The following CNTN3 variants were observed in gnomAD, a reference collection of about 807,000 sequenced individuals.
CNTN3 encodes contactin 3, also known as contactin-3.
Under a neutral mutation model 119.1 loss-of-function variants are expected in CNTN3, and 60 were observed. The observed-to-expected ratio is 0.50, with a 90% CI of 0.41 to 0.62. The LOEUF (loss-of-function observed/expected upper bound fraction) is 0.62, where lower values mean the gene tolerates loss of function less well. Among genes scored for constraint, CNTN3 ranks in the 20% least tolerant of loss-of-function variants. The pLI is 0.00. For synonymous variants in CNTN3, 450 were observed against 438.7 expected, an observed-to-expected ratio of 1.03 and a Z score of -0.32; for missense variants, 1,101 against 1,242.4, an observed-to-expected ratio of 0.89 and a Z score of 1.71.
At chr3:74,441,591 T>C (rs558017305) in intron 4 of CNTN3, among the ~76,000 whole-genome samples, 58 of 152,308 alleles carry the variant, frequency 3.8e-4, no homozygotes, top group African/African-American at 1.3e-3. Flanking sequence ...TAGTTTAAAT[T>C]TTTTAAGTGC....
intron 1 of CNTN3, among the ~76,000 whole-genome samples, chr3:74,597,130 C>A (rs1352282269): frequency 2.0e-5 from 3 of 152,072 alleles, no homozygotes; most frequent in Admixed American, 1.3e-4. Context: ...GTTCACAGGT[C>A]TGACATTTAA....
intron 22 of CNTN3, among the ~76,000 whole-genome samples, chr3:74,265,431 T>G (rs1320694073): frequency 6.6e-5 from 10 of 152,200 alleles, no homozygotes; most frequent in Non-Finnish European, 4.4e-5. Flanking sequence ...TTTCAAAACC[T>G]AAATTAACAA....
At chr3:74,405,605 T>C (rs1261565176) in intron 5 of CNTN3, among the ~76,000 whole-genome samples, 3 of 152,096 alleles carry the variant, frequency 2.0e-5, no homozygotes, top group African/African-American at 7.2e-5. Flanking sequence ...GTATATCACT[T>C]TGGGAAAAAT....
At chr3:74,530,404 G>C (rs1703677328) in intron 1 of CNTN3, among the ~76,000 whole-genome samples, 1 of 151,934 alleles carries the variant, frequency 6.6e-6, no homozygotes, top group African/African-American at 2.4e-5. Flanking sequence ...TAGAGGATTT[G>C]AGAAAGGGGT....
chr3:74,366,868 T>G (rs1036452362), intron 8 of CNTN3, among the ~76,000 whole-genome samples: 23 of 144,308 alleles, frequency 1.6e-4, no homozygotes, highest in African/African-American at 5.7e-4. Context: ...TTAAAACACA[T>G]TTTCTTCTTC....
At chr3:74,495,409 A>T (rs539874449) in intron 3 of CNTN3, among the ~76,000 whole-genome samples, 3 of 152,052 alleles carry the variant, frequency 2.0e-5, no homozygotes, top group Non-Finnish European at 4.4e-5. Context: ...TAGCACATAT[A>T]CTATATATGT....
chr3:74,591,475 C>G (rs6790890), intron 1 of CNTN3, among the ~76,000 whole-genome samples: 1 of 151,758 alleles, frequency 6.6e-6, no homozygotes, highest in Non-Finnish European at 1.5e-5. Context: ...GTGAAGACAG[C>G]TGTGTTCTAA....
chr3:74,285,952 TAAA>T (rs1702108821), intron 19 of CNTN3, among the ~76,000 whole-genome samples: 1 of 151,352 alleles, frequency 6.6e-6, no homozygotes, highest in Non-Finnish European at 1.5e-5. Flanking sequence ...GATCATTTTT[TAAA>T]AATGTGGAAA....
At chr3:74,401,154 T>C (rs1427013156) in intron 5 of CNTN3, among the ~76,000 whole-genome samples, 1 of 148,214 alleles carries the variant, frequency 6.7e-6, no homozygotes, top group Non-Finnish European at 1.5e-5. Context: ...ATAAACTCAG[T>C]TATTAATGAA....
At chr3:74,463,557 C>T (rs935435096) in intron 4 of CNTN3, among the ~76,000 whole-genome samples, 2 of 152,128 alleles carry the variant, frequency 1.3e-5, no homozygotes, top group African/African-American at 2.4e-5. Context: ...ATTTCCTACA[C>T]AAGATGTCAA....
At chr3:74,360,088 A>C (rs1704044812) in intron 11 of CNTN3, among the ~76,000 whole-genome samples, 1 of 152,172 alleles carries the variant, frequency 6.6e-6, no homozygotes, top group Non-Finnish European at 1.5e-5. Context: ...CTTTTAATGA[A>C]GGCATCTTCG....
chr3:74,358,326 A>C (rs905745449), intron 11 of CNTN3, among the ~76,000 whole-genome samples: 1 of 152,188 alleles, frequency 6.6e-6, no homozygotes, highest in Admixed American at 6.5e-5. Flanking sequence ...AAGGCTTGAA[A>C]GGGATAGAGA....
At chr3:74,499,622 G>GT (rs752126270) in intron 3 of CNTN3, 37 bp downstream of exon 3, 18 of 1,572,310 alleles carry the variant, frequency 1.1e-5, no homozygotes, top group South Asian at 4.8e-5. Context: ...AGTGTGTTTA[G>GT]TTTTTTTTAT....
At chr3:74,499,578 A>C in intron 3 of CNTN3, 81 bp downstream of exon 3, 1 of 1,388,726 alleles carries the variant, frequency 7.2e-7, no homozygotes, top group Non-Finnish European at 9.7e-7. Context: ...GCATAAATAT[A>C]TTGAAGCAAA....
At chr3:74,270,872 GA>G (rs1042339567) in intron 20 of CNTN3, among the ~76,000 whole-genome samples, 1 of 152,000 alleles carries the variant, frequency 6.6e-6, no homozygotes, top group Non-Finnish European at 1.5e-5. Context: ...TGCTAAATTA[GA>G]AAAAACTGGT....
Position 74,302,742 on chromosome 3 carries a change from C to T in CNTN3, c.1734G>A (p.Met578Ile). The T allele has an allele frequency of 6.2e-7, 1 of 1,613,188 alleles. No homozygotes were observed. Among genetic ancestry groups the T allele is most frequent in the Non-Finnish European group, 8.5e-7 (1 of 1,179,480 alleles). Residue 578 changes from methionine (M) to isoleucine (I), a missense_variant, in exon 14 of 23, where the codon ATG becomes ATA. Physicochemically the swap from Met to Ile is conservative, Grantham distance 10 (BLOSUM62 1). Transcript: ENST00000263665. ...QLKHSGKYVC[M>I]VQTGVDSVSS... is the part of the protein sequence containing the mutation. ...AAACACTGTCCACCCCCGTTTGCAC[C>T]ATACAAACATATTTCCCACTGTGTT...
intron 1 of CNTN3, among the ~76,000 whole-genome samples, chr3:74,549,225 T>C (rs1017538665): frequency 2.6e-5 from 4 of 152,092 alleles, no homozygotes; most frequent in Admixed American, 2.6e-4. Flanking sequence ...GGAAAGTGTG[T>C]AGCACCTCCC....
intron 19 of CNTN3, among the ~76,000 whole-genome samples, chr3:74,289,171 C>A (rs1702177537): frequency 6.6e-6 from 1 of 152,168 alleles, no homozygotes; most frequent in South Asian, 2.1e-4. Context: ...ATTACTGAAA[C>A]TAAGAAAAGA....
intron 1 of CNTN3, among the ~76,000 whole-genome samples, chr3:74,589,008 A>T (rs1201280680): frequency 6.6e-6 from 1 of 150,966 alleles, no homozygotes; most frequent in African/African-American, 2.4e-5. Context: ...AAACCCTAGA[A>T]GAAAACCTAG....
Sources: gnomAD v4.1 joint callset for allele counts (sites outside exome capture counted in the v4.1 genomes callset) on GRCh38, gnomAD v4.1.1 for gene constraint, MANE v1.5 for transcripts, NCBI Gene and HGNC (gene_info 2026-07-23, HGNC 2026-07-21) for gene names.